Variants in ALK observed in about 807,000 individuals in gnomAD.
The protein encoded by ALK is ALK tyrosine kinase receptor.
A neutral mutation model predicts 163.1 loss-of-function variants in ALK; 74 were observed. That is an observed-to-expected ratio of 0.45 (90% confidence interval 0.38 to 0.55). The LOEUF (loss-of-function observed/expected upper bound fraction) is 0.55. Among genes scored for constraint, ALK ranks in the 20% least tolerant of loss-of-function variants. The pLI is 0.00. For synonymous variants in ALK, 960 were observed against 843.2 expected (o/e 1.14, Z -2.40); for missense variants, 2,063 against 2,105.3 (o/e 0.98, Z 0.39).
At chr2:29,820,133 T>A (rs1665009753) in intron 1 of ALK, among the ~76,000 whole-genome samples, 1 of 152,224 alleles carries the variant, frequency 6.6e-6, no homozygotes. Context: ...GAATATGGTG[T>A]CAGTGACAGT....
At chr2:29,313,292 T>C (rs866524036) in intron 8 of ALK, among the ~76,000 whole-genome samples, 1 of 152,302 alleles carries the variant, frequency 6.6e-6, no homozygotes, top group South Asian at 2.1e-4. Context: ...GGCTTCTCCT[T>C]CCTGATTTGC....
chr2:29,844,025 A>G (rs1558514643), intron 1 of ALK, among the ~76,000 whole-genome samples: 1 of 152,192 alleles, frequency 6.6e-6, no homozygotes, highest in Non-Finnish European at 1.5e-5. Context: ...CTATGAGAAT[A>G]CAGGATGGAT....
At chr2:29,435,962 T>C (rs1024521357) in intron 4 of ALK, among the ~76,000 whole-genome samples, 1 of 152,164 alleles carries the variant, frequency 6.6e-6, no homozygotes, top group Non-Finnish European at 1.5e-5. Flanking sequence ...TGTAAGCACA[T>C]CTGGAGAACT....
chr2:29,683,622 A>G (rs1678148372), intron 3 of ALK, among the ~76,000 whole-genome samples: 1 of 152,140 alleles, frequency 6.6e-6, no homozygotes, highest in African/African-American at 2.4e-5. Context: ...CCATTTGTAA[A>G]TGTGCATGAT....
chr2:29,671,688 A>G (rs923987906), intron 3 of ALK, among the ~76,000 whole-genome samples: 1 of 151,836 alleles, frequency 6.6e-6, no homozygotes, highest in African/African-American at 2.4e-5. Flanking sequence ...TTCTCCTACT[A>G]CTTGCTTAGA....
At chr2:29,845,814 G>A (rs1665827858) in intron 1 of ALK, among the ~76,000 whole-genome samples, 1 of 152,208 alleles carries the variant, frequency 6.6e-6, no homozygotes, top group African/African-American at 2.4e-5. Context: ...CTTTGGTTGA[G>A]GAGCACCTCT....
intron 3 of ALK, among the ~76,000 whole-genome samples, chr2:29,569,697 G>C (rs576970830): frequency 1.3e-5 from 2 of 152,308 alleles, no homozygotes; most frequent in South Asian, 4.1e-4. Context: ...GTGGGGTGGT[G>C]CTGATTCCAC....
In ALK at chr2:29,920,263, G is replaced by T. The variant is rs775940832; in HGVS notation, c.397C>A (p.Arg133Ser). The T allele has an allele frequency of 6.3e-7, 1 of 1,598,526 alleles. No homozygotes were observed. Among genetic ancestry groups the T allele is most frequent in the Admixed American group, 1.7e-5 (1 of 57,752 alleles). ...AACTGCTTGGCACGCCGGAGCTTGC[G>T]CACGGAGCCGCCCTTCAGCACCCTG... is the stretch of plus-strand genomic sequence containing the variant. Reference protein sequence around the residue: ...LSRVLKGGSVRKLRRAKQLVL... With the variant: ...LSRVLKGGSVSKLRRAKQLVL... The change falls in exon 1 of 29, where the codon CGC becomes AGC. Residue 133 changes from arginine (R) to serine (S), a missense_variant. Arg to Ser is a moderately radical substitution (Grantham distance 110). Transcript: ENST00000389048.
chr2:29,262,031 T>C (rs1665100832), intron 11 of ALK, among the ~76,000 whole-genome samples: 1 of 152,230 alleles, frequency 6.6e-6, no homozygotes, highest in Non-Finnish European at 1.5e-5. Context: ...GGGTTGAGAA[T>C]GTTGAGGCCT....
intron 12 of ALK, among the ~76,000 whole-genome samples, chr2:29,250,206 C>T (rs1218011406): frequency 3.9e-5 from 6 of 152,172 alleles, no homozygotes; most frequent in South Asian, 2.1e-4. Context: ...GGTGGAGCCA[C>T]GGGAGGCCCT....
intron 26 of ALK, among the ~76,000 whole-genome samples, chr2:29,200,790 C>CAT (rs1669153309): frequency 1.6e-5 from 1 of 61,248 alleles, no homozygotes; most frequent in Non-Finnish European, 4.1e-5. Context: ...TATGTATATA[C>CAT]ATGTATACAT....
intron 4 of ALK, among the ~76,000 whole-genome samples, chr2:29,443,189 G>C (rs1198098916): frequency 2.0e-5 from 3 of 152,168 alleles, no homozygotes; most frequent in Non-Finnish European, 4.4e-5. Context: ...TTACTTAAGG[G>C]TCTATGCCTG....
intron 3 of ALK, among the ~76,000 whole-genome samples, chr2:29,568,990 T>A (rs1674276253): frequency 6.6e-6 from 1 of 151,938 alleles, no homozygotes; most frequent in Non-Finnish European, 1.5e-5. Flanking sequence ...GGGGGATGAG[T>A]CTTTCTTTTC....
chr2:29,813,820 C>T (rs1326119921), intron 1 of ALK, among the ~76,000 whole-genome samples: 1 of 152,196 alleles, frequency 6.6e-6, no homozygotes, highest in East Asian at 1.9e-4. Context: ...TCATCAGTCC[C>T]ATAAGCAGCT....
rs551125444 is a variant in ALK at position 29,244,469 on chromosome 2, G to A, written c.2205-4639C>T. Among the ~76,000 whole-genome samples the A allele has an allele frequency of 5.3e-5, 8 of 152,296 alleles. No individual in the cohort carries two copies. In the South Asian group the frequency reaches 1.7e-3, roughly 32 times the overall value. On this transcript the variant is annotated intron_variant, in intron 12 of 28. Coordinates refer to ENST00000389048, the MANE Select transcript of ALK (RefSeq NM_004304.5). ...TTGTGGAGGCAGGTGCTTCTCAGTG[G>A]GGCCGGCCCAGGTTCCACTCCTGTT...
At chr2:29,675,404 G>A (rs573859759) in intron 3 of ALK, among the ~76,000 whole-genome samples, 10 of 152,100 alleles carry the variant, frequency 6.6e-5, no homozygotes, top group African/African-American at 2.4e-4. Context: ...ATCAAGTGAA[G>A]GAAAGAGTGA....
At chr2:29,904,871 A>G (rs1423191543) in intron 1 of ALK, among the ~76,000 whole-genome samples, 1 of 152,190 alleles carries the variant, frequency 6.6e-6, no homozygotes, top group African/African-American at 2.4e-5. Flanking sequence ...ATGATAATTG[A>G]GTGTGAGGTT....
At chr2:29,208,923 AT>A (rs200389271) in intron 25 of ALK, among the ~76,000 whole-genome samples, 217 of 152,240 alleles carry the variant, frequency 1.4e-3, no homozygotes, top group African/African-American at 4.7e-3. Context: ...GAAAAAAAAA[AT>A]AATTTTTAAA....
At chr2:29,599,548 T>A (rs905843929) in intron 3 of ALK, among the ~76,000 whole-genome samples, 9 of 152,196 alleles carry the variant, frequency 5.9e-5, no homozygotes, top group Admixed American at 2.0e-4. Context: ...CAGGGCTTTG[T>A]TTGCAGGGCC....
Sources: gnomAD v4.1 joint callset for allele counts (sites outside exome capture counted in the v4.1 genomes callset) on GRCh38, gnomAD v4.1.1 for gene constraint, MANE v1.5 for transcripts, NCBI Gene and HGNC (gene_info 2026-07-23, HGNC 2026-07-21) for gene names.